LY96: variants seen among roughly 807,000 people sequenced by gnomAD.
LY96 encodes myeloid differentiation protein-2.
A neutral mutation model predicts 18.9 loss-of-function variants in LY96; 18 were observed. The ratio of observed to expected loss-of-function variants is 0.95; its 90% CI spans 0.66 to 1.41. The LOEUF (loss-of-function observed/expected upper bound fraction) is 1.41, where lower values mean the gene tolerates loss of function less well. LY96 is among the 40% of genes most tolerant of loss of function. The pLI is 0.00. For synonymous variants in LY96, 66 were observed against 62.6 expected (o/e 1.06, Z -0.26); for missense variants, 175 against 182.4 (o/e 0.96, Z 0.23).
At chr8:73,996,335 T>TCCTC (rs1000848580) in intron 1 of LY96, among the ~76,000 whole-genome samples, 3 of 128,326 alleles carry the variant, frequency 2.3e-5, no homozygotes, top group Non-Finnish European at 5.0e-5. Context: ...CTTCCTTCCT[T>TCCTC]CCTTCCTTCC....
chr8:74,002,054 C>T (rs775908510), intron 1 of LY96, among the ~76,000 whole-genome samples: 1,043 of 29,854 alleles, frequency 0.035, 127 homozygotes, highest in African/African-American at 0.1. Flanking sequence ...TTCCTTCCTT[C>T]CTTCCTTCCT....
At chr8:74,018,892 C>T (rs902846981) in intron 3 of LY96, among the ~76,000 whole-genome samples, 1 of 152,140 alleles carries the variant, frequency 6.6e-6, no homozygotes, top group African/African-American at 2.4e-5. Flanking sequence ...AAAGACATAA[C>T]GTACCAGAAT....
chr8:74,016,725 G>T (rs1816650645), intron 3 of LY96, among the ~76,000 whole-genome samples: 2 of 152,194 alleles, frequency 1.3e-5, no homozygotes, highest in Non-Finnish European at 2.9e-5. Context: ...AATATTTACT[G>T]GTCTGCAGCC....
At chr8:74,088,766 A>T in the LY96 span, among the ~76,000 whole-genome samples, 1 of 152,212 alleles carries the variant, frequency 6.6e-6, no homozygotes, top group Non-Finnish European at 1.5e-5. Flanking sequence ...TTGTATTTTT[A>T]GTAGACATGG....
the LY96 span, among the ~76,000 whole-genome samples, chr8:74,076,173 C>T: frequency 1.3e-5 from 2 of 151,860 alleles, no homozygotes; most frequent in African/African-American, 4.8e-5. Flanking sequence ...TGTCTGCTGA[C>T]CCCACATCTC....
At chr8:73,992,836 CTGTGTGTG>C (rs34327741) in intron 1 of LY96, among the ~76,000 whole-genome samples, 35,596 of 141,698 alleles carry the variant, frequency 0.25, 4,538 homozygotes, top group South Asian at 0.31. Context: ...AATTATGCCA[CTGTGTGTG>C]TGTGTGTGTG....
At chr8:74,031,360 G>A (rs1372602801), downstream of LY96, among the ~76,000 whole-genome samples, 1 of 152,198 alleles carries the variant, frequency 6.6e-6, no homozygotes, top group African/African-American at 2.4e-5. Flanking sequence ...GGGTGTGGTG[G>A]CTCACGCCTG....
chr8:74,060,139 C>T, the LY96 span, among the ~76,000 whole-genome samples: 1 of 151,966 alleles, frequency 6.6e-6, no homozygotes, highest in Non-Finnish European at 1.5e-5. Context: ...AGAGCCAGAC[C>T]TTGTTTCAAA....
chr8:74,043,285 C>G, the LY96 span, among the ~76,000 whole-genome samples: 1 of 152,200 alleles, frequency 6.6e-6, no homozygotes, highest in African/African-American at 2.4e-5. Context: ...TGAAGTGATT[C>G]TCAGTGAATG....
At chr8:74,037,968 C>T in the LY96 span, among the ~76,000 whole-genome samples, 1 of 152,018 alleles carries the variant, frequency 6.6e-6, no homozygotes, top group African/African-American at 2.4e-5. Flanking sequence ...AGCACAGTGC[C>T]TAGGGTCCTC....
the LY96 span, among the ~76,000 whole-genome samples, chr8:74,080,149 A>C: frequency 6.6e-6 from 1 of 152,262 alleles, no homozygotes; most frequent in East Asian, 1.9e-4. Context: ...TTATGTGAAA[A>C]CAAGACCCCT....
intron 3 of LY96, among the ~76,000 whole-genome samples, chr8:74,012,857 T>A (rs1816557463): frequency 6.6e-6 from 1 of 151,910 alleles, no homozygotes; most frequent in African/African-American, 2.4e-5. Context: ...TGTAAAAAGG[T>A]GTATGTAAAT....
At chr8:74,052,135 AG>A in the LY96 span, among the ~76,000 whole-genome samples, 1 of 152,288 alleles carries the variant, frequency 6.6e-6, no homozygotes, top group South Asian at 2.1e-4. Context: ...GGAGAAGGGA[AG>A]GAGGTTTTTG....
downstream of LY96, among the ~76,000 whole-genome samples, chr8:74,031,142 A>G (rs544872584): frequency 4.5e-4 from 68 of 151,932 alleles, no homozygotes; most frequent in Non-Finnish European, 8.8e-4. Flanking sequence ...CACCTTTCCT[A>G]TTGTAATTTC....
At chr8:73,996,164 T>C (rs1245977156) in intron 1 of LY96, among the ~76,000 whole-genome samples, 2 of 152,116 alleles carry the variant, frequency 1.3e-5, no homozygotes, top group Non-Finnish European at 2.9e-5. Context: ...AGACTGAACC[T>C]AGCTAATTTT....
At chr8:73,992,400 T>C (rs1480204752) in intron 1 of LY96, among the ~76,000 whole-genome samples, 1 of 152,178 alleles carries the variant, frequency 6.6e-6, no homozygotes, top group Non-Finnish European at 1.5e-5. Context: ...TGAGATTCTT[T>C]TGGGAAAATA....
intron 3 of LY96, among the ~76,000 whole-genome samples, chr8:74,016,709 T>G (rs2131274720): frequency 6.6e-6 from 1 of 152,328 alleles, no homozygotes; most frequent in South Asian, 2.1e-4. Flanking sequence ...ATATTTACTG[T>G]TCTGCAATAT....
At chr8:74,095,331 G>T in the LY96 span, among the ~76,000 whole-genome samples, 1 of 152,118 alleles carries the variant, frequency 6.6e-6, no homozygotes, top group Admixed American at 6.6e-5. Flanking sequence ...TTTCCTACAC[G>T]CACAGAAGCA....
Position 74,015,727 on chromosome 8 carries a change from A to G in LY96, c.331+5598A>G, listed in dbSNP as rs550015003. 2.0e-5 allele frequency among the ~76,000 whole-genome samples: 3 copies of G among 152,192 alleles called. No homozygotes were observed. In the East Asian group the frequency reaches 5.8e-4, roughly 29 times the overall value. On this transcript the variant is annotated intron_variant, in intron 3 of 4. Transcript: ENST00000284818. ...CCGCCCCCTGCATAGCTGCCAGGAA[A>G]ACTAGACTGGACCATGAGTGAGCTG...
Sources: gnomAD v4.1 joint callset for allele counts (sites outside exome capture counted in the v4.1 genomes callset) on GRCh38, gnomAD v4.1.1 for gene constraint, MANE v1.5 for transcripts, NCBI Gene and HGNC (gene_info 2026-07-23, HGNC 2026-07-21) for gene names.